NPR3: variants seen among roughly 807,000 people sequenced by gnomAD.
NPR3 encodes the protein atrial natriuretic peptide receptor 3.
In NPR3, 34 loss-of-function variants were observed where a neutral mutation model predicts 54.5. The observed-to-expected ratio is 0.62, with a 90% confidence interval of 0.47 to 0.83. The LOEUF is 0.83. Ranked by LOEUF, NPR3 falls within the 40% of genes least tolerant of loss-of-function variation. The pLI is 0.00. For synonymous variants in NPR3, 289 were observed against 297.1 expected (o/e 0.97, Z 0.28); for missense variants, 674 against 720.8 (o/e 0.94, Z 0.74).
intron 3 of NPR3, among the ~76,000 whole-genome samples, chr5:32,770,384 T>C (rs560713912): frequency 6.6e-6 from 1 of 151,560 alleles, no homozygotes; most frequent in African/African-American, 2.4e-5. Flanking sequence ...GAGCTGAGAT[T>C]GCACCACTGC....
intron 1 of NPR3, among the ~76,000 whole-genome samples, chr5:32,719,731 C>A (rs1738746189): frequency 6.6e-6 from 1 of 150,668 alleles, no homozygotes; most frequent in Non-Finnish European, 1.5e-5. Flanking sequence ...GGATGCTAGA[C>A]CTCTTGGATT....
chr5:32,736,729 C>T (rs113287915), intron 2 of NPR3, among the ~76,000 whole-genome samples: 2,912 of 152,156 alleles, frequency 0.019, 90 homozygotes, highest in African/African-American at 0.067. Flanking sequence ...GGCTCACTGG[C>T]CCGAGCAGGG....
At chr5:32,759,557 C>T (rs1741042376) in intron 3 of NPR3, among the ~76,000 whole-genome samples, 1 of 152,118 alleles carries the variant, frequency 6.6e-6, no homozygotes. Context: ...ACTCTTTATC[C>T]AATTTGCCAG....
At chr5:32,754,847 T>A (rs1215751000) in intron 3 of NPR3, among the ~76,000 whole-genome samples, 1 of 152,198 alleles carries the variant, frequency 6.6e-6, no homozygotes, top group African/African-American at 2.4e-5. Context: ...TTATACCCTA[T>A]CTTAAAGAGA....
intron 1 of NPR3, chr5:32,716,682 A>G: frequency 6.0e-6 from 1 of 165,920 alleles, no homozygotes; most frequent in Non-Finnish European, 1.3e-5. Context: ...TTACTTTCTA[A>G]ATGATATTTA....
At chr5:32,740,415 G>A (rs1409824535) in intron 3 of NPR3, among the ~76,000 whole-genome samples, 1 of 152,118 alleles carries the variant, frequency 6.6e-6, no homozygotes, top group Non-Finnish European at 1.5e-5. Flanking sequence ...ATAGGAATTT[G>A]TTATCAAATG....
intron 3 of NPR3, among the ~76,000 whole-genome samples, chr5:32,773,894 T>C (rs972751387): frequency 6.6e-6 from 1 of 152,210 alleles, no homozygotes; most frequent in African/African-American, 2.4e-5. Context: ...ATGGTCAATA[T>C]ACAGATGAAA....
At chr5:32,710,553 G>A (rs965943453), upstream of NPR3, 7 of 1,287,528 alleles carry the variant, frequency 5.4e-6, no homozygotes, top group Admixed American at 3.6e-5. Context: ...CCTCGGCACC[G>A]CTGCGATTCC....
intron 3 of NPR3, among the ~76,000 whole-genome samples, chr5:32,741,974 A>G (rs1365737272): frequency 1.3e-5 from 2 of 151,270 alleles, no homozygotes; most frequent in Non-Finnish European, 2.9e-5. Flanking sequence ...ATGGGAAGGA[A>G]CTATGGGAGC....
chr5:32,765,377 C>T (rs1741397332), intron 3 of NPR3, among the ~76,000 whole-genome samples: 1 of 152,186 alleles, frequency 6.6e-6, no homozygotes, highest in South Asian at 2.1e-4. Flanking sequence ...TTAAGTACAG[C>T]TATAACAAGC....
At chr5:32,705,078 A>G (rs1395298406), upstream of NPR3, among the ~76,000 whole-genome samples, 2 of 152,264 alleles carry the variant, frequency 1.3e-5, no homozygotes, top group South Asian at 2.1e-4. Flanking sequence ...TTGAGGCACT[A>G]TCAGAGCAAA....
At chr5:32,757,248 C>A (rs1740896298) in intron 3 of NPR3, among the ~76,000 whole-genome samples, 1 of 152,104 alleles carries the variant, frequency 6.6e-6, no homozygotes. Context: ...ATGGAATGTT[C>A]TTCCATTTGT....
intron 3 of NPR3, among the ~76,000 whole-genome samples, chr5:32,740,156 G>C (rs1448271928): frequency 6.6e-6 from 1 of 152,224 alleles, no homozygotes; most frequent in African/African-American, 2.4e-5. Flanking sequence ...ATTTCTCCTA[G>C]TTTCTCTACT....
In NPR3 at chr5:32,735,191, G is replaced by A. The variant is rs79331117; in HGVS notation, c.893-3673G>A. Among the ~76,000 whole-genome samples, 62 of 152,180 alleles carry A rather than the reference G, an allele frequency of 4.1e-4. 1 individual carries two copies. In the East Asian group the frequency reaches 0.012, roughly 29 times the overall value. ...GTGGTCACTTGGGCATTCTGCAGTC[G>A]CCTTGGATTTACCATACCCCTAACT... On this transcript the variant is annotated intron_variant, in intron 2 of 7. Coordinates refer to ENST00000265074, the MANE Select transcript of NPR3 (RefSeq NM_001204375.2).
chr5:32,701,273 A>T (rs1304203926), intron 1 of NPR3, among the ~76,000 whole-genome samples: 1 of 152,076 alleles, frequency 6.6e-6, no homozygotes, highest in Non-Finnish European at 1.5e-5. Flanking sequence ...CTTCTGCATG[A>T]TCACTTCTGC....
rs1453707866 is a variant in NPR3 at position 32,787,190 on chromosome 5, A to T, written c.*845A>T. ...TACAACAAACCAATAATGATAAAAA[A>T]TACTTCTCTTTTTCTCCCTGTTTCC... On this transcript the variant is annotated 3_prime_UTR_variant, in exon 8 of 8. Transcript: ENST00000265074. 2 of 152,656 alleles carry T rather than the reference A, an allele frequency of 1.3e-5. No homozygotes were observed. The highest frequency in any genetic ancestry group is 1.3e-4 in the Admixed American group (2 of 15,278). The allele number at this position is 152,656 out of a possible 1,614,324, so 9.5% of individuals were successfully genotyped here.
chr5:32,780,575 A>G lies in NPR3; in HGVS notation c.1196-147A>G, dbSNP rs144248083. Reference sequence around the variant, plus strand: ...GATGAAATTACAATGTCTTTCCAAAATGCCAACAAAAATGCTCAGAGTCTG... The same window carrying G: ...GATGAAATTACAATGTCTTTCCAAAGTGCCAACAAAAATGCTCAGAGTCTG... On this transcript the variant is annotated intron_variant, in intron 4 of 7. Coordinates refer to ENST00000265074, the MANE Select transcript of NPR3 (RefSeq NM_001204375.2). 2.6e-5 allele frequency: 17 copies of G among 649,294 alleles called. No individual in the cohort carries two copies. The East Asian group carries it at 4.4e-4, about 17-fold the overall frequency. 40.2% of individuals were successfully genotyped at this position (649,294 alleles called of 1,614,324 possible). A position where few individuals can be genotyped will look rare whatever the true frequency, so the allele number is the denominator to read the frequency against.
intron 3 of NPR3, among the ~76,000 whole-genome samples, chr5:32,741,052 G>A (rs1501852): frequency 6.6e-6 from 1 of 151,672 alleles, no homozygotes; most frequent in Non-Finnish European, 1.5e-5. Context: ...TACTTTATTA[G>A]GTTCATATTA....
intron 3 of NPR3, among the ~76,000 whole-genome samples, chr5:32,740,632 T>G (rs1470162457): frequency 2.0e-5 from 3 of 152,124 alleles, no homozygotes; most frequent in African/African-American, 7.2e-5. Flanking sequence ...CAGGTGAAGT[T>G]AATTTTAATA....
Sources: gnomAD v4.1 joint callset for allele counts (sites outside exome capture counted in the v4.1 genomes callset) on GRCh38, gnomAD v4.1.1 for gene constraint, MANE v1.5 for transcripts, NCBI Gene and HGNC (gene_info 2026-07-23, HGNC 2026-07-21) for gene names.